The following KIFC3 variants were observed in gnomAD, a reference collection of about 807,000 sequenced individuals.
The protein encoded by KIFC3 is kinesin family member C3, also known as kinesin-like protein KIFC3.
KIFC3 carries 60 observed loss-of-function variants against 101.8 expected under a neutral mutation model. The observed-to-expected ratio is 0.59, with a 90% CI of 0.48 to 0.73. The LOEUF (loss-of-function observed/expected upper bound fraction) is 0.73, where lower values mean the gene tolerates loss of function less well. KIFC3 is among the 30% of genes least tolerant of loss of function. The pLI, the probability that KIFC3 is intolerant of heterozygous loss-of-function variation, is 0.00. For synonymous variants in KIFC3, 476 were observed against 482.7 expected (o/e 0.99, Z 0.18); for missense variants, 966 against 1,137.1 (o/e 0.85, Z 2.16).
At chr16:57,786,408 C>G (rs568567024) in intron 3 of KIFC3, among the ~76,000 whole-genome samples, 1 of 152,156 alleles carries the variant, frequency 6.6e-6, no homozygotes, top group African/African-American at 2.4e-5. Flanking sequence ...AATCAGGGCC[C>G]GTGACCTGTG....
At position 57,770,638 on chromosome 16, in the gene KIFC3, C is replaced by G; in HGVS notation, c.828G>C (p.Gln276His). The change falls in exon 7 of 20, where the codon CAG (glutamine) becomes CAC (histidine). Residue 276 changes from glutamine to histidine, a missense_variant. This residue lies in a region of KIFC3 where 689 missense variants were observed against 884.6 expected (regional missense o/e 0.78). Transcript: ENST00000445690. ...GCTCCTGCAGGTGCTGGTTCCGGGC[C>G]TGGGACTCGCTGAGGGCCTGCTTGG... The part of the protein sequence containing the change: ...SKTKQALSES[Q>H]ARNQHLQEQV... The G allele has an allele frequency of 6.4e-7, 1 of 1,556,696 alleles. No homozygotes were observed. Among genetic ancestry groups the G allele is most frequent in the South Asian group, 1.2e-5 (1 of 83,628 alleles).
At chr16:57,810,845 A>T (rs1188901280) in intron 1 of KIFC3, 1 of 254,808 alleles carries the variant, frequency 3.9e-6, no homozygotes, top group Non-Finnish European at 6.2e-6. Context: ...AGGCCTATGG[A>T]TGTGTAGGGG....
intron 9 of KIFC3, among the ~76,000 whole-genome samples, chr16:57,768,541 A>G: frequency 6.6e-6 from 1 of 152,124 alleles, no homozygotes; most frequent in African/African-American, 2.4e-5. Flanking sequence ...ACACACGCAC[A>G]ATTGGCTTAA....
Position 57,818,705 on chromosome 16 carries a change from G to A in KIFC3, c.109-20423C>T, listed in dbSNP as rs1420479624. Among the ~76,000 whole-genome samples, 5 of 152,170 alleles carry A rather than the reference G, an allele frequency of 3.3e-5. 1 individual carries two copies. The South Asian group carries it at 8.3e-4, about 25-fold the overall frequency. On this transcript the variant is annotated intron_variant, in intron 1 of 2. Coordinates refer to the KIFC3 transcript ENST00000563028. ...CCCCAGATCCAGTATACTGCACTAT[G>A]TAGGCTCCAAATGGAGACCTCGTGG...
chr16:57,802,571 G>C, upstream of KIFC3: 2 of 993,170 alleles, frequency 2.0e-6, no homozygotes, highest in Non-Finnish European at 2.4e-6. The surrounding 1 kb of genome is among the most constrained non-coding windows in gnomAD (Gnocchi z 5.0). Context: ...CCGGCGGGGG[G>C]CGGCGGCGCG....
At position 57,766,838 on chromosome 16, in the gene KIFC3, G is replaced by A. The variant is rs548717323; in HGVS notation, c.1330+36C>T. 1.6e-5 allele frequency: 24 copies of A among 1,521,598 alleles called. No homozygotes were observed. In the South Asian group the frequency reaches 1.8e-4, roughly 11 times the overall value. 94.3% of individuals were successfully genotyped at this position (1,521,598 alleles called of 1,614,324 possible). A position where few individuals can be genotyped will look rare whatever the true frequency, so the allele number is the denominator to read the frequency against. ...ACTGCCAAGCCAGGTCGAGGACCCC[G>A]AGGCCAGCGCCCACCCCCAGCCCTC... On this transcript the variant is annotated intron_variant, in intron 10 of 19. Coordinates refer to ENST00000445690, the MANE Select transcript of KIFC3 (RefSeq NM_001130100.2).
intron 1 of KIFC3, among the ~76,000 whole-genome samples, chr16:57,818,514 G>T (rs140741051): frequency 9.2e-5 from 14 of 152,084 alleles, no homozygotes; most frequent in African/African-American, 3.4e-4. Context: ...ATAGGCATGT[G>T]CTACGAAGCC....
At chr16:57,766,594 A>C (rs1223062804) in intron 10 of KIFC3, among the ~76,000 whole-genome samples, 2 of 152,112 alleles carry the variant, frequency 1.3e-5, no homozygotes, top group African/African-American at 4.8e-5. Context: ...CAATGCTGCA[A>C]CACCACACCC....
At chr16:57,850,269 G>A (rs796368911) in intron 1 of KIFC3, among the ~76,000 whole-genome samples, 8 of 150,844 alleles carry the variant, frequency 5.3e-5, no homozygotes, top group African/African-American at 1.9e-4. Context: ...CGGGCATGGT[G>A]GCATGCACCT....
rs370517753 is a variant in KIFC3 at position 57,831,558 on chromosome 16, T to C, written c.108+31171A>G. ...TTTTTTAATTAGCCAGGCATGGTGG[T>C]GTGTGCCTGTAGTCCCAGCTACTCA... On this transcript the variant is annotated intron_variant, in intron 1 of 2. Coordinates refer to the KIFC3 transcript ENST00000563028. 4.4e-4 allele frequency among the ~76,000 whole-genome samples: 67 copies of C among 152,224 alleles called. 1 individual carries two copies. The South Asian group carries it at 0.013, about 30-fold the overall frequency.
chr16:57,792,885 A>G (rs1598118863), intron 3 of KIFC3, among the ~76,000 whole-genome samples: 2 of 151,458 alleles, frequency 1.3e-5, no homozygotes, highest in Admixed American at 6.6e-5. Flanking sequence ...AAAAAAAAAA[A>G]AAAAAAAGGG....
At chr16:57,836,643 T>G (rs116998164) in intron 1 of KIFC3, among the ~76,000 whole-genome samples, 3,125 of 152,180 alleles carry the variant, frequency 0.021, 88 homozygotes, top group Non-Finnish European at 0.025. Flanking sequence ...CCAAAACCAT[T>G]CTCCTGGCTT....
chr16:57,775,965 G>A (rs1555611626), intron 3 of KIFC3: 4 of 985,370 alleles, frequency 4.1e-6, no homozygotes. Flanking sequence ...GAGGGAGCTG[G>A]GCCTGTCTGC....
Position 57,770,469 on chromosome 16 carries a change from C to A in KIFC3, c.939+58G>T, listed in dbSNP as rs140800489. ...CCCAAATGTTTAACCGATGCATTGG[C>A]CCAAGGGCCTGCCTCTGGCTTCCTG... On this transcript the variant is annotated intron_variant, in intron 7 of 19. Coordinates refer to ENST00000445690, the MANE Select transcript of KIFC3 (RefSeq NM_001130100.2). The A allele has an allele frequency of 6.4e-3, 8,643 of 1,348,752 alleles. 493 individuals carry two copies. In the African/African-American group the frequency reaches 0.12, roughly 18 times the overall value. The allele number at this position is 1,348,752 out of a possible 1,614,324, so 83.5% of individuals were successfully genotyped here.
At chr16:57,797,180 C>G (rs1180245087) in intron 2 of KIFC3, among the ~76,000 whole-genome samples, 1 of 152,212 alleles carries the variant, frequency 6.6e-6, no homozygotes, top group Non-Finnish European at 1.5e-5. Context: ...CCTCAGTTTC[C>G]CCTTCTGTGC....
At chr16:57,783,891 T>C (rs1398234798) in intron 3 of KIFC3, among the ~76,000 whole-genome samples, 1 of 152,208 alleles carries the variant, frequency 6.6e-6, no homozygotes, top group East Asian at 1.9e-4. Context: ...ACACGTGTCC[T>C]TCAGGGTGGG....
chr16:57,832,766 A>G (rs1324921392), intron 1 of KIFC3, among the ~76,000 whole-genome samples: 1 of 152,130 alleles, frequency 6.6e-6, no homozygotes, highest in Non-Finnish European at 1.5e-5. Flanking sequence ...TTAAAAACGG[A>G]GGGCTCCGGG....
chr16:57,799,036 C>G (rs1399342595), intron 1 of KIFC3, among the ~76,000 whole-genome samples: 1 of 152,178 alleles, frequency 6.6e-6, no homozygotes, highest in Non-Finnish European at 1.5e-5. Flanking sequence ...CAAAAAAACC[C>G]TCACAGTCTG....
intron 1 of KIFC3, among the ~76,000 whole-genome samples, chr16:57,861,268 A>C (rs2149342191): frequency 6.6e-6 from 1 of 152,304 alleles, no homozygotes. Context: ...GTAAGTTAGC[A>C]TCATTAACTC....
Sources: gnomAD v4.1 joint callset for allele counts (sites outside exome capture counted in the v4.1 genomes callset) on GRCh38, gnomAD v4.1.1 for gene constraint, gnomAD v4.1.1 regional missense constraint, Gnocchi (gnomAD v3.1) non-coding constraint, MANE v1.5 for transcripts, NCBI Gene and HGNC (gene_info 2026-07-23, HGNC 2026-07-21) for gene names.